The following CADPS variants were observed in gnomAD, a reference collection of about 807,000 sequenced individuals.
The protein encoded by CADPS is calcium-dependent secretion activator 1.
Under a neutral mutation model 167.3 loss-of-function variants are expected in CADPS, and 57 were observed. That is an observed-to-expected ratio of 0.34 (90% confidence interval 0.28 to 0.42). The LOEUF is 0.42. CADPS is among the 20% of genes least tolerant of loss of function. The probability of loss-of-function intolerance (pLI) is 1.00; values close to 1 mark genes in which losing one functional copy is unlikely to be tolerated. For missense variants in CADPS, 1,414 were observed against 1,738.1 expected, an observed-to-expected ratio of 0.81 and a Z score of 3.32; for synonymous variants, 676 against 635.3, an observed-to-expected ratio of 1.06 and a Z score of -0.96.
chr3:62,664,720 G>A (rs144166764), intron 3 of CADPS, among the ~76,000 whole-genome samples: 15 of 152,294 alleles, frequency 9.8e-5, no homozygotes, highest in African/African-American at 3.4e-4. Context: ...GGAGAATTTC[G>A]TCGGAAGATA....
At chr3:62,512,914 C>T (rs554023200) in intron 16 of CADPS, 146 bp from the exon 17 acceptor site, 12 of 559,764 alleles carry the variant, frequency 2.1e-5, no homozygotes, top group Middle Eastern at 2.8e-4. Flanking sequence ...GGGTTCCCAC[C>T]GCCCCAAAGT....
chr3:62,874,930 A>G lies in CADPS; in HGVS notation c.100T>C (p.Ser34Pro). The change falls in exon 1 of 30, where the codon TCT (serine) becomes CCT (proline). Residue 34 changes from serine to proline, a missense_variant. Ser to Pro is a moderately conservative substitution (Grantham distance 74). Around this residue, in one of 6 missense-constraint regions of CADPS, gnomAD observed 522 missense variants for 559.5 expected, o/e 0.93. Coordinates refer to ENST00000383710, the MANE Select transcript of CADPS (RefSeq NM_003716.4). This position sits in a 1 kb window ranked among gnomAD's most constrained non-coding sequence, Gnocchi z 7.1. ...LGSAPSGARL[S>P]PSRTSEGSAG... is the part of the protein sequence containing the mutation. ...GAGCCCTCGCTGGTACGGCTGGGAG[A>G]CAGGCGCGCGCCGGACGGGGCCGAG... The G allele has an allele frequency of 6.7e-7, 1 of 1,501,420 alleles. No individual in the cohort carries two copies. 93.0% of individuals were successfully genotyped at this position (1,501,420 alleles called of 1,614,324 possible).
intron 1 of CADPS, among the ~76,000 whole-genome samples, chr3:62,785,912 AAG>A (rs1321338829): frequency 7.0e-6 from 1 of 143,620 alleles, no homozygotes; most frequent in Admixed American, 6.9e-5. Flanking sequence ...TCTTTTCAAA[AAG>A]AAAAAAAAAA....
At position 62,497,948 on chromosome 3, in the gene CADPS, A is replaced by G. The variant is rs2065090276; in HGVS notation, c.2706+1214T>C. ...TATATCAATTGCTTCATGCACGCAC[A>G]AGAGAATCACCCACATTGACCCTGC... On this transcript the variant is annotated intron_variant, in intron 18 of 29. Coordinates refer to ENST00000383710, the MANE Select transcript of CADPS (RefSeq NM_003716.4). Among the ~76,000 whole-genome samples, 10 of 152,272 alleles carry G rather than the reference A, an allele frequency of 6.6e-5. No homozygotes were observed. In the South Asian group the frequency reaches 2.1e-3, roughly 32 times the overall value.
Position 62,500,386 on chromosome 3 carries a change from C to T in CADPS, c.2600-1118G>A, listed in dbSNP as rs559030801. The stretch of plus-strand genomic sequence containing the variant: ...GGCCAGGATGGTCTCAAACTCCTTA[C>T]CTCAGGAGATCCGCCCGCCTCAGCC... On this transcript the variant is annotated intron_variant, in intron 17 of 29. Coordinates refer to ENST00000383710, the MANE Select transcript of CADPS (RefSeq NM_003716.4). 17 of 152,262 alleles carry T rather than the reference C, an allele frequency of 1.1e-4. No homozygotes were observed. The East Asian group carries it at 2.9e-3, about 26-fold the overall frequency. The allele number at this position is 152,262 out of a possible 1,614,324, so 9.4% of individuals were successfully genotyped here. A position where few individuals can be genotyped will look rare whatever the true frequency, so the allele number is the denominator to read the frequency against.
intron 1 of CADPS, among the ~76,000 whole-genome samples, chr3:62,866,400 C>T (rs533951250): frequency 4.6e-5 from 7 of 152,150 alleles, no homozygotes; most frequent in Non-Finnish European, 7.4e-5. Context: ...CAGTAGAACA[C>T]TTACTGAACA....
chr3:62,606,427 TA>T (rs1186906531), intron 6 of CADPS, among the ~76,000 whole-genome samples: 6 of 152,160 alleles, frequency 3.9e-5, no homozygotes, highest in Admixed American at 3.3e-4. Context: ...AGACCTGACC[TA>T]GCATGCTCAG....
chr3:62,775,047 T>C (rs2089934989), intron 1 of CADPS, among the ~76,000 whole-genome samples: 1 of 152,050 alleles, frequency 6.6e-6, no homozygotes, highest in South Asian at 2.1e-4. Context: ...TGTTTTGTTT[T>C]GTTTTTGAGA....
chr3:62,784,041 T>A (rs1331809812), intron 1 of CADPS, among the ~76,000 whole-genome samples: 1 of 152,232 alleles, frequency 6.6e-6, no homozygotes, highest in South Asian at 2.1e-4. Flanking sequence ...GAGCAATGGC[T>A]GATTTCCTGT....
At chr3:62,820,538 C>T (rs1326804551) in intron 1 of CADPS, among the ~76,000 whole-genome samples, 2 of 152,114 alleles carry the variant, frequency 1.3e-5, no homozygotes, top group African/African-American at 2.4e-5. Context: ...TTTAACCTCT[C>T]TTACTGAAAT....
intron 3 of CADPS, among the ~76,000 whole-genome samples, chr3:62,747,443 G>C (rs1433433568): frequency 6.6e-6 from 1 of 152,138 alleles, no homozygotes; most frequent in Non-Finnish European, 1.5e-5. Context: ...CAGCAATCTG[G>C]GTCACAGCTG....
chr3:62,416,209 A>G (rs1413642585), intron 28 of CADPS, among the ~76,000 whole-genome samples: 2 of 152,168 alleles, frequency 1.3e-5, no homozygotes, highest in Non-Finnish European at 2.9e-5. Context: ...AGTCTTTAAA[A>G]CTGACTACAA....
intron 1 of CADPS, among the ~76,000 whole-genome samples, chr3:62,801,278 G>A (rs1361137434): frequency 6.6e-6 from 1 of 152,058 alleles, no homozygotes; most frequent in African/African-American, 2.4e-5. Flanking sequence ...AGTTGAATTA[G>A]AAATAATCTC....
chr3:62,670,516 T>C (rs566488167), intron 3 of CADPS, among the ~76,000 whole-genome samples: 4 of 152,272 alleles, frequency 2.6e-5, no homozygotes, highest in Non-Finnish European at 5.9e-5. Context: ...GATGTACTTC[T>C]TGATTGCAAA....
At chr3:62,811,290 T>C (rs946975632) in intron 1 of CADPS, among the ~76,000 whole-genome samples, 10 of 151,726 alleles carry the variant, frequency 6.6e-5, no homozygotes, top group African/African-American at 2.4e-4. Context: ...CAGCCAATCT[T>C]ATAAAAAAAA....
rs530587024 is a variant in CADPS, at chr3:62,741,470, T to C, written c.888+11971A>G. On this transcript the variant is annotated intron_variant, in intron 3 of 29. Coordinates refer to ENST00000383710, the MANE Select transcript of CADPS (RefSeq NM_003716.4). ...CCTGGGATGCAAGTTTGGTTCAACA[T>C]ATACAAATCGATAAATGTGATTCAT... Among the ~76,000 whole-genome samples, 30 of 152,266 alleles carry C rather than the reference T, an allele frequency of 2.0e-4. No homozygotes were observed. In the South Asian group the frequency reaches 6.2e-3, roughly 32 times the overall value.
intron 2 of CADPS, among the ~76,000 whole-genome samples, chr3:62,760,900 T>C (rs2085246360): frequency 6.6e-6 from 1 of 152,196 alleles, no homozygotes; most frequent in African/African-American, 2.4e-5. Flanking sequence ...TCAGTCTTTC[T>C]TCCAAGAACC....
At chr3:62,647,996 T>C (rs2068991254) in intron 5 of CADPS, among the ~76,000 whole-genome samples, 1 of 152,162 alleles carries the variant, frequency 6.6e-6, no homozygotes, top group Non-Finnish European at 1.5e-5. Context: ...GGACCTTCCT[T>C]CCCTCACTGC....
rs143752986 is a variant in CADPS at position 62,514,440 on chromosome 3, A to C, written c.2581+1619T>G. ...AGCGGAAGAGAGCAGGTAGTGTGGAATGAGGTACTTCTCTGAAAAGAGAGT... is the reference window on the plus strand; with the variant it reads ...AGCGGAAGAGAGCAGGTAGTGTGGACTGAGGTACTTCTCTGAAAAGAGAGT... On this transcript the variant is annotated intron_variant, in intron 16 of 29. Coordinates refer to ENST00000383710, the MANE Select transcript of CADPS (RefSeq NM_003716.4). The surrounding 1 kb of genome is among the most constrained non-coding windows in gnomAD (Gnocchi z 4.2). 1.3e-5 allele frequency among the ~76,000 whole-genome samples: 2 copies of C among 152,196 alleles called. No homozygotes were observed. The highest frequency in any genetic ancestry group is 3.9e-4 in the East Asian group (2 of 5,164).
Sources: allele counts gnomAD v4.1 joint callset (sites outside exome capture counted in the v4.1 genomes callset), GRCh38; gene constraint gnomAD v4.1.1; regional missense constraint gnomAD v4.1.1; non-coding constraint Gnocchi (gnomAD v3.1); transcripts MANE v1.5; gene names NCBI Gene and HGNC (gene_info 2026-07-23, HGNC 2026-07-21).